CAB39: variants seen among roughly 807,000 people sequenced by gnomAD.
CAB39 encodes calcium-binding protein 39.
In CAB39, 8 loss-of-function variants were observed where a neutral mutation model predicts 40.0. The ratio of observed to expected loss-of-function variants is 0.20; its 90% CI spans 0.12 to 0.36. CAB39 has a LOEUF of 0.36. CAB39 is among the 10% of genes least tolerant of loss of function. The pLI is 1.00. For synonymous variants in CAB39, 156 were observed against 141.6 expected (o/e 1.10, Z -0.72); for missense variants, 270 against 401.1 (o/e 0.67, Z 2.79).
intron 4 of CAB39, among the ~76,000 whole-genome samples, chr2:230,798,285 C>G (rs1016006963): frequency 6.6e-6 from 1 of 152,094 alleles, no homozygotes; most frequent in South Asian, 2.1e-4. Context: ...GGTATAAATT[C>G]TATATGTTTG....
rs1315903837 is a variant in CAB39, at chr2:230,821,009, A to G, written c.*2305A>G. On this transcript the variant is annotated 3_prime_UTR_variant, in exon 9 of 9. Coordinates refer to ENST00000258418, the MANE Select transcript of CAB39 (RefSeq NM_016289.4). Reference sequence around the variant, plus strand: ...ATTTTCTTTCTCCTAAGGAAAAGTGAATTTCTTATCAGAATATCTGGCTGG... The same window carrying G: ...ATTTTCTTTCTCCTAAGGAAAAGTGGATTTCTTATCAGAATATCTGGCTGG... 1 of 152,668 alleles carries G rather than the reference A, an allele frequency of 6.6e-6. No individual in the cohort carries two copies. The highest frequency in any genetic ancestry group is 1.9e-4 in the East Asian group (1 of 5,204). The allele number at this position is 152,668 out of a possible 1,614,324, so 9.5% of individuals were successfully genotyped here. A position where few individuals can be genotyped will look rare whatever the true frequency, so the allele number is the denominator to read the frequency against.
At chr2:230,719,788 AC>A (rs1694413989) in intron 1 of CAB39, among the ~76,000 whole-genome samples, 1 of 151,986 alleles carries the variant, frequency 6.6e-6, no homozygotes, top group South Asian at 2.1e-4. Context: ...AAATTCTCTT[AC>A]CCTTATTTTC....
At chr2:230,754,420 T>TCTTCCCCTTC (rs1695150810) in intron 1 of CAB39, among the ~76,000 whole-genome samples, 1 of 97,242 alleles carries the variant, frequency 1.0e-5, no homozygotes, top group African/African-American at 4.6e-5. Flanking sequence ...TCTTCCCCTT[T>TCTTCCCCTTC]CCCTCCTTCT....
intron 2 of CAB39, among the ~76,000 whole-genome samples, chr2:230,764,017 G>C (rs946215525): frequency 6.6e-5 from 10 of 152,040 alleles, no homozygotes; most frequent in Non-Finnish European, 1.2e-4. Context: ...AGCTACTCAG[G>C]AGGCTGAGGC....
intron 1 of CAB39, among the ~76,000 whole-genome samples, chr2:230,748,827 AAAAAATATATATAT>A (rs1315155165): frequency 0.014 from 793 of 56,470 alleles, 40 homozygotes; most frequent in African/African-American, 0.038. Context: ...AAAAAAAAAA[AAAAAATATATATAT>A]ATATATATAT....
intron 1 of CAB39, among the ~76,000 whole-genome samples, chr2:230,748,831 A>AAATATATATATAT (rs1386799920): frequency 1.4e-4 from 4 of 28,506 alleles, no homozygotes; most frequent in Non-Finnish European, 1.9e-4. Flanking sequence ...AAAAAAAAAA[A>AAATATATATATAT]ATATATATAT....
intron 4 of CAB39, among the ~76,000 whole-genome samples, chr2:230,793,880 T>C (rs529819901): frequency 6.6e-6 from 1 of 152,222 alleles, no homozygotes; most frequent in Non-Finnish European, 1.5e-5. Context: ...CTGAAATTAC[T>C]ACTGGTCTAA....
chr2:230,769,495 T>C (rs946706480), intron 2 of CAB39, among the ~76,000 whole-genome samples: 1 of 152,184 alleles, frequency 6.6e-6, no homozygotes, highest in Non-Finnish European at 1.5e-5. Flanking sequence ...TCTACCAAGG[T>C]AGACCATATT....
At chr2:230,736,573 TTA>T (rs1403808899) in intron 1 of CAB39, among the ~76,000 whole-genome samples, 1 of 152,170 alleles carries the variant, frequency 6.6e-6, no homozygotes, top group Non-Finnish European at 1.5e-5. Flanking sequence ...CCAAGACAGT[TTA>T]TGAGATAAAA....
chr2:230,800,858 A>C (rs1696077756), intron 5 of CAB39, among the ~76,000 whole-genome samples: 1 of 152,062 alleles, frequency 6.6e-6, no homozygotes, highest in Admixed American at 6.5e-5. Context: ...CCTGGCTGAT[A>C]ATTTCATTTC....
Position 230,755,833 on chromosome 2 carries a change from G to A in CAB39, c.-43-4126G>A, listed in dbSNP as rs117151358. On this transcript the variant is annotated intron_variant, in intron 1 of 8. Transcript: ENST00000258418. Reference sequence around the variant, plus strand: ...TGATGATAAAGGGGAGATGAGAAAGGTAGGTGGATTGTTATGGTGAAATAT... The same window carrying A: ...TGATGATAAAGGGGAGATGAGAAAGATAGGTGGATTGTTATGGTGAAATAT... Among the ~76,000 whole-genome samples, 96 of 152,336 alleles carry A rather than the reference G, an allele frequency of 6.3e-4. 2 individuals carry two copies. The highest frequency in any genetic ancestry group is 4.2e-3 in the East Asian group (22 of 5,194).
chr2:230,782,813 C>CTTTTTTTTT (rs1212977897), intron 2 of CAB39, among the ~76,000 whole-genome samples: 3 of 81,762 alleles, frequency 3.7e-5, no homozygotes, highest in African/African-American at 6.3e-5. Flanking sequence ...TTCTTTCTTT[C>CTTTTTTTTT]TTTTTTTTTT....
intron 2 of CAB39, among the ~76,000 whole-genome samples, chr2:230,788,789 T>A (rs1390683144): frequency 1.3e-5 from 2 of 152,202 alleles, no homozygotes; most frequent in African/African-American, 4.8e-5. Flanking sequence ...CTTTGATTCT[T>A]TGTCCATAGT....
chr2:230,783,034 T>C (rs1056542446), intron 2 of CAB39, among the ~76,000 whole-genome samples: 13 of 150,984 alleles, frequency 8.6e-5, no homozygotes, highest in Admixed American at 5.9e-4. Flanking sequence ...TTCACCATGT[T>C]AGCCAGGATG....
chr2:230,785,443 A>G (rs2124950151), intron 2 of CAB39, among the ~76,000 whole-genome samples: 1 of 152,096 alleles, frequency 6.6e-6, no homozygotes, highest in Non-Finnish European at 1.5e-5. Context: ...ATTTTGTCAA[A>G]TGGAGTCTTA....
intron 4 of CAB39, 103 bp downstream of exon 4, chr2:230,793,434 A>C (rs1207195507): frequency 7.9e-6 from 4 of 508,868 alleles, no homozygotes; most frequent in Admixed American, 6.8e-5. Flanking sequence ...TTTTCTCTGT[A>C]GTTAGATAAT....
chr2:230,748,961 T>C (rs1056476306), intron 1 of CAB39, among the ~76,000 whole-genome samples: 3 of 145,220 alleles, frequency 2.1e-5, no homozygotes, highest in African/African-American at 5.0e-5. Flanking sequence ...TCCTGAAATA[T>C]AGTCTATACA....
intron 5 of CAB39, among the ~76,000 whole-genome samples, chr2:230,802,053 C>T (rs1696099621): frequency 1.3e-5 from 2 of 152,060 alleles, no homozygotes; most frequent in Non-Finnish European, 2.9e-5. Context: ...AAGGTAGCCT[C>T]ACCAGACTGT....
chr2:230,761,493 T>A (rs777879941), intron 2 of CAB39, among the ~76,000 whole-genome samples: 1 of 152,172 alleles, frequency 6.6e-6, no homozygotes, highest in Non-Finnish European at 1.5e-5. Context: ...GTATCACTTG[T>A]ATCTGTTGTA....
Sources: gnomAD v4.1 joint callset for allele counts (sites outside exome capture counted in the v4.1 genomes callset) on GRCh38, gnomAD v4.1.1 for gene constraint, MANE v1.5 for transcripts, NCBI Gene and HGNC (gene_info 2026-07-23, HGNC 2026-07-21) for gene names.